MMS22L: variants seen among roughly 807,000 people sequenced by gnomAD.
MMS22L encodes the protein MMS22 like, DNA repair protein.
A neutral mutation model predicts 159.1 loss-of-function variants in MMS22L; 74 were observed. The observed-to-expected ratio is 0.47, with a 90% confidence interval of 0.39 to 0.56. The LOEUF is 0.56. Ranked by LOEUF, MMS22L falls within the 20% of genes least tolerant of loss-of-function variation. The pLI, the probability that MMS22L is intolerant of heterozygous loss-of-function variation, is 0.00. For missense variants in MMS22L, 1,351 were observed against 1,422.1 expected, an observed-to-expected ratio of 0.95 and a Z score of 0.80; for synonymous variants, 517 against 506.9, an observed-to-expected ratio of 1.02 and a Z score of -0.27.
chr6:97,149,777 T>C lies in MMS22L; in HGVS notation c.3650+76A>G, dbSNP rs1036660665. On this transcript the variant is annotated intron_variant, in intron 24 of 24. Coordinates refer to ENST00000683635, the MANE Select transcript of MMS22L (RefSeq NM_001350599.2). ...ACCCAAATTTTGGGGAATAAGAAAATAAATCATTTCTATAAAATGAAATAT... is the reference window on the plus strand; with the variant it reads ...ACCCAAATTTTGGGGAATAAGAAAACAAATCATTTCTATAAAATGAAATAT... 13 of 1,381,724 alleles carry C rather than the reference T, an allele frequency of 9.4e-6. 1 individual carries two copies. The African/African-American group carries it at 1.3e-4, about 14-fold the overall frequency. 85.6% of individuals were successfully genotyped at this position (1,381,724 alleles called of 1,614,324 possible).
Position 97,149,909 on chromosome 6 carries a change from A to G in MMS22L, c.3594T>C (p.Thr1198=). Residue 1198 remains threonine (T), a synonymous_variant, in exon 24 of 25, where the codon ACT becomes ACC. Transcript: ENST00000683635. ...QVVIHLISTL[T]QSLKDSEQKW... is the part of the protein sequence containing the mutation. ...TCTGCTCTGAATCCTTCAGAGACTG[A>G]GTAAGGGTAGAAATCAAGTGGATGA... 1 of 1,613,680 alleles carries G rather than the reference A, an allele frequency of 6.2e-7. No homozygotes were observed. The highest frequency in any genetic ancestry group is 1.3e-5 in the African/African-American group (1 of 75,006).
chr6:97,181,475 T>G lies in MMS22L; in HGVS notation c.2384+429A>C, dbSNP rs538179669. Among the ~76,000 whole-genome samples, 4 of 152,278 alleles carry G rather than the reference T, an allele frequency of 2.6e-5. No individual in the cohort carries two copies. The East Asian group carries it at 7.7e-4, about 29-fold the overall frequency. On this transcript the variant is annotated intron_variant, in intron 16 of 24. Transcript: ENST00000683635. ...GATCTCATGAGTTAAGAGTGAAAAC[T>G]CATGATCTCATGAGTTAAGAGTGAG...
intron 14 of MMS22L, among the ~76,000 whole-genome samples, chr6:97,211,613 TA>T (rs1562463413): frequency 6.6e-6 from 1 of 152,152 alleles, no homozygotes; most frequent in Non-Finnish European, 1.5e-5. Flanking sequence ...CACAAAGCAA[TA>T]CTACATTGGT....
chr6:97,254,654 A>T lies in MMS22L; in HGVS notation c.1022T>A (p.Val341Glu). The change falls in exon 10 of 25, where the codon GTA becomes GAA. Residue 341 changes from valine to glutamate, a missense_variant. Val to Glu is a moderately radical substitution (Grantham distance 121). Transcript: ENST00000683635. ...SSDRRRSSMP[V>E]IQSRDPLGFS... ...ACCTAATGGATCCCTGGACTGGATT[A>T]CAGGCATAGAGGATCTTCTTCGGTC... The T allele has an allele frequency of 6.2e-7, 1 of 1,613,490 alleles. No homozygotes were observed. The highest frequency in any genetic ancestry group is 1.3e-5 in the African/African-American group (1 of 75,050).
chr6:97,191,435 T>C (rs912889669), intron 14 of MMS22L, among the ~76,000 whole-genome samples: 2 of 152,214 alleles, frequency 1.3e-5, no homozygotes, highest in African/African-American at 2.4e-5. Context: ...TTCTAATACA[T>C]GATGCCTCAA....
At chr6:97,251,044 C>T (rs1460172772) in intron 10 of MMS22L, among the ~76,000 whole-genome samples, 5 of 152,204 alleles carry the variant, frequency 3.3e-5, no homozygotes, top group South Asian at 2.1e-4. Context: ...AGAAACAATA[C>T]GTCAATATGC....
At chr6:97,228,595 T>G (rs1350716572) in intron 14 of MMS22L, among the ~76,000 whole-genome samples, 1 of 152,234 alleles carries the variant, frequency 6.6e-6, no homozygotes, top group Non-Finnish European at 1.5e-5. Flanking sequence ...GAATTTTATG[T>G]TTAGACTTGG....
intron 4 of MMS22L, among the ~76,000 whole-genome samples, chr6:97,276,794 T>C (rs565846241): frequency 6.6e-5 from 10 of 152,366 alleles, no homozygotes; most frequent in South Asian, 6.2e-4. Context: ...AGCTCACAGA[T>C]AGACAAAGCC....
At position 97,153,630 on chromosome 6, in the gene MMS22L, C is replaced by G. The variant is rs113372419; in HGVS notation, c.3386-1763G>C. On this transcript the variant is annotated intron_variant, in intron 22 of 24. Transcript: ENST00000683635. ...AAGTGATTCACCTGCCTCAGCCTCC[C>G]AAATTGCAGGAATTACAGGCGTAAG... Among the ~76,000 whole-genome samples, 355 of 152,234 alleles carry G rather than the reference C, an allele frequency of 2.3e-3. 2 individuals are homozygous for G. The highest frequency in any genetic ancestry group is 8.2e-3 in the African/African-American group (341 of 41,556).
rs768370714 is a variant in MMS22L, at chr6:97,231,421, T to G, written c.1529+5A>C. On this transcript the variant is annotated splice_donor_5th_base_variant and intron_variant, in intron 13 of 24. Transcript: ENST00000683635. ...CACACTCATGACAGAAGATACTGCA[T>G]ATACCTTCCTTTGACTTGTTTCCAA... is the stretch of plus-strand genomic sequence containing the variant. 1.2e-6 allele frequency: 2 copies of G among 1,601,822 alleles called. No individual in the cohort carries two copies. The highest frequency in any genetic ancestry group is 2.2e-5 in the South Asian group (2 of 90,594).
intron 14 of MMS22L, among the ~76,000 whole-genome samples, chr6:97,199,730 C>T (rs1469915747): frequency 6.6e-6 from 1 of 151,480 alleles, no homozygotes; most frequent in African/African-American, 2.4e-5. Flanking sequence ...TTTCAAAACT[C>T]AGTCAAGTAA....
Position 97,231,594 on chromosome 6 carries a change from G to A in MMS22L, c.1361C>T (p.Ser454Leu). 1 of 1,613,804 alleles carries A rather than the reference G, an allele frequency of 6.2e-7. No homozygotes were observed. ...CACCATTTCAAGCATAGACAAGGGT[G>A]ACTTCATGGTATTAGCAAGGCCTTT... is the stretch of plus-strand genomic sequence containing the variant. Reference protein sequence around the residue: ...PFKGLANTMKSPLSMLEMVKT... With the variant: ...PFKGLANTMKLPLSMLEMVKT... Residue 454 changes from serine to leucine, a missense_variant, in exon 13 of 25, where the codon TCA becomes TTA. Coordinates refer to ENST00000683635, the MANE Select transcript of MMS22L (RefSeq NM_001350599.2).
chr6:97,278,208 G>A (rs1816427874), intron 4 of MMS22L, among the ~76,000 whole-genome samples: 1 of 152,238 alleles, frequency 6.6e-6, no homozygotes, highest in Admixed American at 6.5e-5. Flanking sequence ...TTTGCGATCA[G>A]CCTGGCCAAA....
At chr6:97,264,101 G>C (rs1310741516) in intron 8 of MMS22L, 1 of 152,122 alleles carries the variant, frequency 6.6e-6, no homozygotes, top group African/African-American at 2.4e-5. Context: ...TGCCATTTCA[G>C]TACAACAGCC....
In MMS22L at chr6:97,168,072, TGGAGATACAAA is replaced by T. The variant is rs1803156880; in HGVS notation, c.2997_3007del (p.Leu1000GlyfsTer25). On this transcript the variant is annotated frameshift_variant and splice_region_variant, in exon 20 of 25. Transcript: ENST00000683635. LOFTEE classifies it high-confidence loss of function. ...TTTAAGCAACCACAGATACTATACC[TGGAGATACAAA>T]GGAAGACTTTTCTGAATTGCTGACA... 6.2e-7 allele frequency: 1 copy of T among 1,606,186 alleles called. No homozygotes were observed. Among genetic ancestry groups the T allele is most frequent in the Admixed American group, 1.7e-5 (1 of 58,468 alleles).
At chr6:97,275,395 C>T (rs1353210614) in intron 4 of MMS22L, among the ~76,000 whole-genome samples, 3 of 152,074 alleles carry the variant, frequency 2.0e-5, no homozygotes, top group Non-Finnish European at 4.4e-5. Context: ...GGCATGGTGG[C>T]GTGTGCCTGT....
intron 14 of MMS22L, among the ~76,000 whole-genome samples, chr6:97,217,984 A>T (rs1809208749): frequency 6.6e-6 from 1 of 152,180 alleles, no homozygotes; most frequent in Admixed American, 6.6e-5. Context: ...GTTCCTGCAG[A>T]CCCAGCCTTG....
chr6:97,193,465 T>A (rs1806106012), intron 14 of MMS22L, among the ~76,000 whole-genome samples: 1 of 152,204 alleles, frequency 6.6e-6, no homozygotes, highest in South Asian at 2.1e-4. Context: ...TTTTCATTAG[T>A]CTTGACTTTG....
chr6:97,181,919 T>G lies in MMS22L; in HGVS notation c.2369A>C (p.His790Pro), dbSNP rs1276056264. 3.1e-6 allele frequency: 5 copies of G among 1,612,706 alleles called. No homozygotes were observed. The highest frequency in any genetic ancestry group is 1.3e-5 in the African/African-American group (1 of 74,964). ...AAGCACGTACCTATTTTGTAGGACA[T>G]GACTTAAATATCTTGCTACAACTTG... ...CPQVVARYLSHVLQNSTLCEA... is the reference protein window; with the variant it reads ...CPQVVARYLSPVLQNSTLCEA... Residue 790 changes from histidine (H) to proline (P), a missense_variant, in exon 16 of 25, where the codon CAT (histidine) becomes CCT (proline). His to Pro is a moderately conservative substitution (Grantham distance 77, BLOSUM62 -2). Coordinates refer to ENST00000683635, the MANE Select transcript of MMS22L (RefSeq NM_001350599.2).
Sources: gnomAD v4.1 joint callset for allele counts (sites outside exome capture counted in the v4.1 genomes callset) on GRCh38, gnomAD v4.1.1 for gene constraint, MANE v1.5 for transcripts, NCBI Gene and HGNC (gene_info 2026-07-23, HGNC 2026-07-21) for gene names.